The following MYO5A variants were observed in gnomAD, a reference collection of about 807,000 sequenced individuals.
MYO5A encodes unconventional myosin-Va.
MYO5A carries 98 observed loss-of-function variants against 249.7 expected under a neutral mutation model. The observed-to-expected ratio is 0.39, with a 90% confidence interval of 0.33 to 0.46. MYO5A has a LOEUF of 0.46. MYO5A is among the 20% of genes least tolerant of loss of function. The pLI is 0.98. For synonymous variants in MYO5A, 778 were observed against 810.6 expected (o/e 0.96, Z 0.68); for missense variants, 1,696 against 2,308.8 (o/e 0.73, Z 5.44).
At position 52,416,188 on chromosome 15, in the gene MYO5A, G is replaced by A. The variant is rs553305728; in HGVS notation, c.569C>T (p.Ala190Val). The change falls in exon 5 of 42, where the codon GCC becomes GTC. Residue 190 changes from alanine (A) to valine (V), a missense_variant. Around this residue, in one of 5 missense-constraint regions of MYO5A, gnomAD observed 197 missense variants for 320.3 expected, o/e 0.62. Transcript: ENST00000399233. ...GGCCAAGACCTTTTCCTCCACATTG[G>A]CCTCACTGGCAGAACCACTCACAGT... is the stretch of plus-strand genomic sequence containing the variant. ...FATVSGSASE[A>V]NVEEKVLASN... 6.2e-7 allele frequency: 1 copy of A among 1,613,966 alleles called. No homozygotes were observed. Among genetic ancestry groups the A allele is most frequent in the East Asian group, 2.2e-5 (1 of 44,880 alleles).
At position 52,360,069 on chromosome 15, in the gene MYO5A, G is replaced by A; in HGVS notation, c.3322C>T (p.Pro1108Ser). The change falls in exon 25 of 42, where the codon CCT (proline) becomes TCT (serine). Residue 1108 changes from proline (P) to serine (S), a missense_variant. This residue lies in a region of MYO5A where 412 missense variants were observed against 453.3 expected (regional missense o/e 0.91). Transcript: ENST00000399233. ...GTGGAGTCTGTTCTCTTGTGTCCAG[G>A]CTTAGGCACATGCTGCAAGGCAAAT... ...EMTLMVHVPK[P>S]GHKRTDSTHS... 1 of 1,612,258 alleles carries A rather than the reference G, an allele frequency of 6.2e-7. No homozygotes were observed.
intron 9 of MYO5A, among the ~76,000 whole-genome samples, chr15:52,398,707 G>A (rs1299018284): frequency 6.6e-6 from 1 of 152,212 alleles, no homozygotes; most frequent in Non-Finnish European, 1.5e-5. Flanking sequence ...AAGTGGGTCA[G>A]GCTGGGCGTG....
At chr15:52,396,486 AG>A in intron 10 of MYO5A, 89 bp from the exon 11 acceptor site, 1 of 745,542 alleles carries the variant, frequency 1.3e-6, no homozygotes, top group Non-Finnish European at 2.3e-6. Context: ...GGAAGAAAGA[AG>A]TGGGACATTC....
intron 1 of MYO5A, among the ~76,000 whole-genome samples, chr15:52,508,870 CCTT>C (rs2077330315): frequency 6.6e-6 from 1 of 152,046 alleles, no homozygotes; most frequent in Admixed American, 6.6e-5. Context: ...GAAATCCGTA[CCTT>C]CTTATCTACC....
intron 1 of MYO5A, among the ~76,000 whole-genome samples, chr15:52,439,782 A>G (rs1462306809): frequency 6.6e-6 from 1 of 152,174 alleles, no homozygotes; most frequent in Non-Finnish European, 1.5e-5. Context: ...AGAAGGAAAA[A>G]GAAGAGCCTG....
chr15:52,322,035 G>A (rs1045146022), intron 37 of MYO5A, among the ~76,000 whole-genome samples: 4 of 152,192 alleles, frequency 2.6e-5, no homozygotes, highest in African/African-American at 9.7e-5. Flanking sequence ...TTCAGTCAGA[G>A]GTTAGAAGGG....
chr15:52,504,460 C>G (rs2077224099), intron 1 of MYO5A, among the ~76,000 whole-genome samples: 1 of 152,172 alleles, frequency 6.6e-6, no homozygotes, highest in Non-Finnish European at 1.5e-5. Context: ...ATCTTTCACC[C>G]CCGAATGCTG....
At position 52,379,544 on chromosome 15, in the gene MYO5A, T is replaced by C. The variant is rs567473890; in HGVS notation, c.2208+81A>G. On this transcript the variant is annotated intron_variant, in intron 18 of 41. Coordinates refer to ENST00000399233, the MANE Select transcript of MYO5A (RefSeq NM_001382347.1). ...GAAATGATCTGGACTAGTAAAATGTTATACAAAAGTTCCCGGGGCTTTCCA... is the reference window on the plus strand; with the variant it reads ...GAAATGATCTGGACTAGTAAAATGTCATACAAAAGTTCCCGGGGCTTTCCA... 8.9e-4 allele frequency: 1,078 copies of C among 1,212,772 alleles called. 23 individuals carry two copies. In the South Asian group the frequency reaches 0.012, roughly 14 times the overall value. The allele number at this position is 1,212,772 out of a possible 1,614,324, so 75.1% of individuals were successfully genotyped here. A position where few individuals can be genotyped will look rare whatever the true frequency, so the allele number is the denominator to read the frequency against.
chr15:52,397,551 T>C, intron 9 of MYO5A, 85 bp from the exon 10 acceptor site: 1 of 1,490,582 alleles, frequency 6.7e-7, no homozygotes, highest in Non-Finnish European at 9.3e-7. Flanking sequence ...AGTTAACAAA[T>C]AAAATTCAGC....
chr15:52,436,074 C>T (rs998610604), intron 1 of MYO5A, among the ~76,000 whole-genome samples: 12 of 152,326 alleles, frequency 7.9e-5, no homozygotes, highest in African/African-American at 2.6e-4. Flanking sequence ...CCTGCCACCA[C>T]ACCTGGCTAC....
intron 1 of MYO5A, among the ~76,000 whole-genome samples, chr15:52,519,830 A>G (rs1366532049): frequency 6.6e-6 from 1 of 151,884 alleles, no homozygotes; most frequent in African/African-American, 2.4e-5. Context: ...TCCCGGGTTC[A>G]AGCGATTCTC....
At chr15:52,371,930 G>A (rs1041673814) in intron 21 of MYO5A, among the ~76,000 whole-genome samples, 194 bp downstream of exon 21, 1 of 149,934 alleles carries the variant, frequency 6.7e-6, no homozygotes, top group Admixed American at 6.6e-5. Context: ...ATAACTTCCT[G>A]CCTTAGTTTT....
At chr15:52,450,905 T>C (rs1188777275) in intron 1 of MYO5A, among the ~76,000 whole-genome samples, 1 of 141,814 alleles carries the variant, frequency 7.1e-6, no homozygotes, top group East Asian at 2.1e-4. Flanking sequence ...TGGATTGCAG[T>C]GGTGTGATCA....
At chr15:52,502,537 C>T (rs905042347) in intron 1 of MYO5A, among the ~76,000 whole-genome samples, 15 of 152,188 alleles carry the variant, frequency 9.9e-5, no homozygotes, top group African/African-American at 3.6e-4. Flanking sequence ...TCACTCCAAA[C>T]CAGAAATAAT....
intron 11 of MYO5A, among the ~76,000 whole-genome samples, chr15:52,394,989 A>C (rs1051389144): frequency 2.6e-5 from 4 of 152,220 alleles, no homozygotes; most frequent in African/African-American, 9.6e-5. Flanking sequence ...AAGAAGCTTA[A>C]TTTGCTAAAT....
intron 39 of MYO5A, 24 bp from the exon 40 acceptor site, chr15:52,317,246 G>A (rs2038066574): frequency 6.2e-7 from 1 of 1,611,318 alleles, no homozygotes; most frequent in Admixed American, 1.7e-5. Context: ...GAGATACAGA[G>A]AATGCAAATT....
chr15:52,431,142 G>C (rs1405020940), intron 2 of MYO5A, among the ~76,000 whole-genome samples: 2 of 145,762 alleles, frequency 1.4e-5, no homozygotes, highest in African/African-American at 5.0e-5. Flanking sequence ...TGAGGCACAA[G>C]AATCATTTGA....
At chr15:52,326,672 T>TAA (rs1555426993) in intron 36 of MYO5A, among the ~76,000 whole-genome samples, 1 of 152,248 alleles carries the variant, frequency 6.6e-6, no homozygotes, top group Non-Finnish European at 1.5e-5. Flanking sequence ...TAATGCCACG[T>TAA]AACTGTACAC....
At chr15:52,342,914 T>TC (rs2039447074) in intron 31 of MYO5A, among the ~76,000 whole-genome samples, 1 of 149,092 alleles carries the variant, frequency 6.7e-6, no homozygotes, top group Non-Finnish European at 1.5e-5. Flanking sequence ...AGACTCCGTC[T>TC]AAAAAAGAAA....
Sources: gnomAD v4.1 joint callset for allele counts (sites outside exome capture counted in the v4.1 genomes callset) on GRCh38, gnomAD v4.1.1 for gene constraint, gnomAD v4.1.1 regional missense constraint, MANE v1.5 for transcripts, NCBI Gene and HGNC (gene_info 2026-07-23, HGNC 2026-07-21) for gene names.